KCND3: variants seen among roughly 807,000 people sequenced by gnomAD.
KCND3 encodes potassium voltage-gated channel subfamily D member 3.
In KCND3, 9 loss-of-function variants were observed where a neutral mutation model predicts 51.1. The ratio of observed to expected loss-of-function variants is 0.18; its 90% CI spans 0.11 to 0.31. KCND3 has a LOEUF of 0.31. Among genes scored for constraint, KCND3 ranks in the 10% least tolerant of loss-of-function variants. KCND3 has a pLI of 1.00. For missense variants in KCND3, 526 were observed against 903.8 expected (o/e 0.58, Z 5.36); for synonymous variants, 349 against 368.0 (o/e 0.95, Z 0.59).
chr1:111,901,360 G>A (rs1187478935), intron 2 of KCND3, among the ~76,000 whole-genome samples: 1 of 152,096 alleles, frequency 6.6e-6, no homozygotes, highest in African/African-American at 2.4e-5. Context: ...CTTCCTAAAG[G>A]AGTTACTTTC....
chr1:111,873,421 G>T (rs940765668), intron 2 of KCND3, among the ~76,000 whole-genome samples: 1 of 152,148 alleles, frequency 6.6e-6, no homozygotes, highest in East Asian at 1.9e-4. Context: ...CATGATAGGT[G>T]GTGGGAATTA....
chr1:111,862,941 T>C (rs1269470638), intron 2 of KCND3, among the ~76,000 whole-genome samples: 1 of 152,206 alleles, frequency 6.6e-6, no homozygotes, highest in African/African-American at 2.4e-5. Context: ...AGATGGGCAA[T>C]ACGTGACCGT....
At chr1:111,877,714 C>G (rs1669112126) in intron 2 of KCND3, among the ~76,000 whole-genome samples, 2 of 152,338 alleles carry the variant, frequency 1.3e-5, no homozygotes, top group East Asian at 3.9e-4. Context: ...TGGTTGCCAG[C>G]CTCCTGATAT....
chr1:111,868,523 TG>T (rs1194550012), intron 2 of KCND3, among the ~76,000 whole-genome samples: 2 of 152,182 alleles, frequency 1.3e-5, no homozygotes, highest in Non-Finnish European at 2.9e-5. Context: ...AGGTGGCCTC[TG>T]GGGGTCTTGG....
chr1:111,808,551 C>G (rs963591980), intron 2 of KCND3, among the ~76,000 whole-genome samples: 1 of 152,204 alleles, frequency 6.6e-6, no homozygotes, highest in Non-Finnish European at 1.5e-5. Context: ...CTTCTTGACC[C>G]TTTTCCTTGG....
At chr1:111,847,553 C>T (rs1262121054) in intron 2 of KCND3, among the ~76,000 whole-genome samples, 3 of 152,126 alleles carry the variant, frequency 2.0e-5, no homozygotes, top group African/African-American at 2.4e-5. Context: ...CGTGCGTGCC[C>T]GCGTGCATAT....
In KCND3 at chr1:111,827,237, C is replaced by T. The variant is rs187075525; in HGVS notation, c.1107-40131G>A. Among the ~76,000 whole-genome samples, 449 of 152,264 alleles carry T rather than the reference C, an allele frequency of 2.9e-3. 4 individuals are homozygous for T. Among genetic ancestry groups the T allele is most frequent in the African/African-American group, 0.01 (428 of 41,548 alleles). On this transcript the variant is annotated intron_variant, in intron 2 of 7. Coordinates refer to ENST00000302127, the MANE Select transcript of KCND3 (RefSeq NM_001378969.1). Reference sequence around the variant, plus strand: ...ATGTTGCTATGAGAACAGATGTGTACGCAGATGACGGTTGGAATTGCCCAT... The same window carrying T: ...ATGTTGCTATGAGAACAGATGTGTATGCAGATGACGGTTGGAATTGCCCAT...
chr1:111,911,887 C>T (rs1180881682), intron 2 of KCND3, among the ~76,000 whole-genome samples: 2 of 152,214 alleles, frequency 1.3e-5, no homozygotes, highest in African/African-American at 4.8e-5. Flanking sequence ...AATTTCTCTA[C>T]CCTACTGCCT....
chr1:111,947,129 G>T (rs965472374), intron 2 of KCND3, among the ~76,000 whole-genome samples: 3 of 152,040 alleles, frequency 2.0e-5, no homozygotes, highest in Admixed American at 6.6e-5. Flanking sequence ...AGTAATTATT[G>T]ATAGACTGGT....
chr1:111,834,904 T>C (rs959120453), intron 2 of KCND3, among the ~76,000 whole-genome samples: 2 of 152,184 alleles, frequency 1.3e-5, no homozygotes, highest in Non-Finnish European at 2.9e-5. Context: ...TCTGTCAATA[T>C]CCTTCTTAAA....
chr1:111,964,090 G>T (rs1224859461), intron 2 of KCND3, among the ~76,000 whole-genome samples: 1 of 152,200 alleles, frequency 6.6e-6, no homozygotes, highest in Non-Finnish European at 1.5e-5. Context: ...TTCGGCAGAA[G>T]GAGGGAAACA....
At chr1:111,903,830 GTCTC>G (rs1670508093) in intron 2 of KCND3, among the ~76,000 whole-genome samples, 1 of 152,160 alleles carries the variant, frequency 6.6e-6, no homozygotes, top group Non-Finnish European at 1.5e-5. Flanking sequence ...CTGTCCTTAG[GTCTC>G]TCTTTCATGC....
At chr1:111,784,905 A>G (rs1047384799) in intron 3 of KCND3, among the ~76,000 whole-genome samples, 16 of 152,064 alleles carry the variant, frequency 1.1e-4, no homozygotes, top group African/African-American at 3.1e-4. Flanking sequence ...CTAGATTTTA[A>G]TCACACAGGA....
intron 2 of KCND3, among the ~76,000 whole-genome samples, chr1:111,933,940 T>G (rs1672092162): frequency 6.6e-6 from 1 of 152,202 alleles, no homozygotes; most frequent in African/African-American, 2.4e-5. Context: ...GATACCGTGC[T>G]ATAGGCAGGA....
chr1:111,865,773 T>C (rs1463268539), intron 2 of KCND3, among the ~76,000 whole-genome samples: 1 of 152,210 alleles, frequency 6.6e-6, no homozygotes, highest in Non-Finnish European at 1.5e-5. Context: ...GGTGTGATCA[T>C]GGCTCCCTGC....
chr1:111,931,093 T>C (rs1327525701), intron 2 of KCND3, among the ~76,000 whole-genome samples: 2 of 152,200 alleles, frequency 1.3e-5, no homozygotes, highest in African/African-American at 4.8e-5. Context: ...GTCTACAGTA[T>C]ACTCTGCCTC....
At chr1:111,815,443 C>T (rs1444135840) in intron 2 of KCND3, among the ~76,000 whole-genome samples, 2 of 151,352 alleles carry the variant, frequency 1.3e-5, no homozygotes, top group Admixed American at 6.6e-5. Context: ...TTTGGATTGC[C>T]TTATTTTAGT....
chr1:111,947,268 A>C (rs1421694948), intron 2 of KCND3, among the ~76,000 whole-genome samples: 2 of 152,168 alleles, frequency 1.3e-5, no homozygotes, highest in African/African-American at 4.8e-5. Flanking sequence ...TCATTTATTA[A>C]TTTACTCAAC....
chr1:111,877,664 T>A (rs1258215276), intron 2 of KCND3, among the ~76,000 whole-genome samples: 1 of 152,114 alleles, frequency 6.6e-6, no homozygotes. Flanking sequence ...TAATGGAGGA[T>A]CTCATATATT....
Sources: gnomAD v4.1 joint callset for allele counts (sites outside exome capture counted in the v4.1 genomes callset) on GRCh38, gnomAD v4.1.1 for gene constraint, MANE v1.5 for transcripts, NCBI Gene and HGNC (gene_info 2026-07-23, HGNC 2026-07-21) for gene names.